Variants in RBL1 observed in about 807,000 individuals in gnomAD.
RBL1 encodes the protein RB transcriptional corepressor like 1.
A neutral mutation model predicts 123.0 loss-of-function variants in RBL1; 82 were observed. The observed-to-expected ratio is 0.67, with a 90% CI of 0.56 to 0.80. RBL1 has a LOEUF of 0.80. Ranked by LOEUF, RBL1 falls within the 30% of genes least tolerant of loss-of-function variation. The probability of loss-of-function intolerance (pLI) is 0.00; values close to 1 mark genes in which losing one functional copy is unlikely to be tolerated. For missense variants in RBL1, 1,171 were observed against 1,299.6 expected, an observed-to-expected ratio of 0.90 and a Z score of 1.52; for synonymous variants, 405 against 441.3, an observed-to-expected ratio of 0.92 and a Z score of 1.03.
At chr20:37,025,986 G>A (rs1276683663) in intron 16 of RBL1, among the ~76,000 whole-genome samples, 1 of 151,952 alleles carries the variant, frequency 6.6e-6, no homozygotes, top group Non-Finnish European at 1.5e-5. Flanking sequence ...CTCATGATCC[G>A]CCCGTCTTGG....
At chr20:37,035,588 T>G in intron 14 of RBL1, 80 bp from the exon 15 acceptor site, 1 of 1,250,290 alleles carries the variant, frequency 8.0e-7, no homozygotes, top group Non-Finnish European at 1.1e-6. Context: ...CAACAGATAG[T>G]GAGTTACTTA....
chr20:37,053,475 A>G (rs1568861104), intron 11 of RBL1, among the ~76,000 whole-genome samples: 1 of 152,148 alleles, frequency 6.6e-6, no homozygotes, highest in Non-Finnish European at 1.5e-5. Context: ...TGTCCTGACT[A>G]GGGTTGGGGC....
chr20:37,052,313 G>A (rs1217007223), intron 11 of RBL1, among the ~76,000 whole-genome samples: 4 of 151,982 alleles, frequency 2.6e-5, no homozygotes, highest in African/African-American at 7.2e-5. Flanking sequence ...TTACAGGCGT[G>A]AGCCGCCGTG....
intron 1 of RBL1, among the ~76,000 whole-genome samples, chr20:37,090,668 A>G (rs1220108560): frequency 6.6e-6 from 1 of 152,222 alleles, no homozygotes; most frequent in Non-Finnish European, 1.5e-5. Flanking sequence ...TGAGAAATGC[A>G]ACATTAGGCA....
chr20:37,057,469 A>G (rs968394920), intron 9 of RBL1, among the ~76,000 whole-genome samples: 1 of 146,938 alleles, frequency 6.8e-6, no homozygotes, highest in African/African-American at 2.4e-5. Context: ...GTGATATCAA[A>G]TATTTTTTCA....
rs1351601949 is a variant in RBL1 at position 37,007,419 on chromosome 20, C to T, written c.2863G>A (p.Asp955Asn). Reference protein sequence around the residue: ...FALKYDLANQDHMMDAPPLSP... With the variant: ...FALKYDLANQNHMMDAPPLSP... ...TAAAACATAGAACATACCATATGGT[C>T]CTGATTCGCCAAGTCGTATTTCAGT... The change falls in exon 20 of 22, where the codon GAC becomes AAC. Residue 955 changes from aspartate to asparagine, a missense_variant. Coordinates refer to ENST00000373664, the MANE Select transcript of RBL1 (RefSeq NM_002895.5). 3 of 1,613,438 alleles carry T rather than the reference C, an allele frequency of 1.9e-6. No homozygotes were observed. The African/African-American group carries it at 4.0e-5, about 22-fold the overall frequency.
chr20:37,080,644 A>G (rs1478074078), intron 2 of RBL1, among the ~76,000 whole-genome samples: 2 of 151,652 alleles, frequency 1.3e-5, no homozygotes, highest in African/African-American at 4.9e-5. Flanking sequence ...ATTTTAGTAG[A>G]GACAGGGCTT....
chr20:37,069,451 GC>G (rs1267892154), intron 2 of RBL1, among the ~76,000 whole-genome samples: 3 of 151,098 alleles, frequency 2.0e-5, no homozygotes, highest in African/African-American at 7.3e-5. Context: ...CTGCCCAGCC[GC>G]CCATCGTCTG....
chr20:37,010,717 G>A (rs1369882839), intron 19 of RBL1, among the ~76,000 whole-genome samples: 2 of 152,172 alleles, frequency 1.3e-5, no homozygotes, highest in Non-Finnish European at 1.5e-5. Flanking sequence ...TGTTGTATGT[G>A]TGGACCATCA....
Position 37,071,683 on chromosome 20 carries a change from G to C in RBL1, c.291-3497C>G, listed in dbSNP as rs558086617. On this transcript the variant is annotated intron_variant, in intron 2 of 21. Coordinates refer to ENST00000373664, the MANE Select transcript of RBL1 (RefSeq NM_002895.5). ...AAAAGAAACGTGACCTCCAATGTTGGAGGTGGGCCTAGTGGGAGGTGTTTG... is the reference window on the plus strand; with the variant it reads ...AAAAGAAACGTGACCTCCAATGTTGCAGGTGGGCCTAGTGGGAGGTGTTTG... 2.6e-5 allele frequency among the ~76,000 whole-genome samples: 4 copies of C among 152,314 alleles called. No individual in the cohort carries two copies. In the East Asian group the frequency reaches 5.8e-4, roughly 22 times the overall value.
intron 21 of RBL1, among the ~76,000 whole-genome samples, chr20:36,999,882 T>G (rs2063938131): frequency 6.6e-6 from 1 of 152,140 alleles, no homozygotes; most frequent in African/African-American, 2.4e-5. Context: ...CCCCGCAAAG[T>G]GCCGAGATTG....
At position 36,998,498 on chromosome 20, in the gene RBL1, A is replaced by G; in HGVS notation, c.*261T>C. On this transcript the variant is annotated 3_prime_UTR_variant, in exon 22 of 22. Transcript: ENST00000373664. The stretch of plus-strand genomic sequence containing the variant: ...CTTGGCCTCCCAAAGTCCTGGGATT[A>G]CAGGCGTGAGCCACAGCGCCTGGCC... 1 of 302,598 alleles carries G rather than the reference A, an allele frequency of 3.3e-6. No individual in the cohort carries two copies. Among genetic ancestry groups the G allele is most frequent in the Non-Finnish European group, 6.1e-6 (1 of 162,630 alleles). The allele number at this position is 302,598 out of a possible 1,614,324, so 18.7% of individuals were successfully genotyped here.
intron 19 of RBL1, among the ~76,000 whole-genome samples, chr20:37,016,225 G>A (rs377200631): frequency 2.0e-5 from 3 of 150,486 alleles, no homozygotes; most frequent in African/African-American, 7.3e-5. Context: ...ACAAGGTTTC[G>A]CCATGTTGGC....
At chr20:37,062,384 A>C in intron 7 of RBL1, 114 bp from the exon 8 acceptor site, 1 of 1,444,150 alleles carries the variant, frequency 6.9e-7, no homozygotes, top group South Asian at 1.5e-5. Context: ...TCTAATTTTT[A>C]TTAACTCTGA....
chr20:37,065,213 G>A (rs2065159420), intron 7 of RBL1, among the ~76,000 whole-genome samples: 1 of 152,182 alleles, frequency 6.6e-6, no homozygotes, highest in Admixed American at 6.5e-5. Flanking sequence ...GTTTACAGGT[G>A]TGGGCCACCG....
chr20:37,075,288 G>A (rs1030189567), intron 2 of RBL1, among the ~76,000 whole-genome samples: 1 of 151,996 alleles, frequency 6.6e-6, no homozygotes, highest in Non-Finnish European at 1.5e-5. Context: ...TGTGGTGGTG[G>A]TACACAACTC....
At chr20:37,006,838 C>CAAA (rs199689934) in intron 20 of RBL1, among the ~76,000 whole-genome samples, 14 of 71,706 alleles carry the variant, frequency 2.0e-4, no homozygotes, top group African/African-American at 6.7e-4. Context: ...GAGACTGTCT[C>CAAA]AAAAAAAAAA....
In RBL1 at chr20:37,036,847, G is replaced by A. The variant is rs1010459940; in HGVS notation, c.1904-1339C>T. Among the ~76,000 whole-genome samples, 11 of 151,982 alleles carry A rather than the reference G, an allele frequency of 7.2e-5. No individual in the cohort carries two copies. In the South Asian group the frequency reaches 8.3e-4, roughly 11 times the overall value. ...TCACCGTGTTAGCCAGGATGGTCTC[G>A]ATCTCCTGACCTCGTGATCTGCCCG... On this transcript the variant is annotated intron_variant, in intron 14 of 21. Transcript: ENST00000373664.
chr20:37,095,737 G>C, intron 1 of RBL1, 36 bp downstream of exon 1: 1 of 1,542,300 alleles, frequency 6.5e-7, no homozygotes, highest in Non-Finnish European at 8.8e-7. Flanking sequence ...GGCCTGGCGA[G>C]GGTAGGGTCC....
Sources: allele counts gnomAD v4.1 joint callset (sites outside exome capture counted in the v4.1 genomes callset), GRCh38; gene constraint gnomAD v4.1.1; transcripts MANE v1.5; gene names NCBI Gene and HGNC (gene_info 2026-07-23, HGNC 2026-07-21).